The following XYLT1 variants were observed in gnomAD, a reference collection of about 807,000 sequenced individuals.
The protein encoded by XYLT1 is beta-D-xylosyltransferase 1.
A neutral mutation model predicts 91.3 loss-of-function variants in XYLT1; 36 were observed. That is an observed-to-expected ratio of 0.39 (90% CI 0.30 to 0.52). The LOEUF (loss-of-function observed/expected upper bound fraction) is 0.52, where lower values mean the gene tolerates loss of function less well. XYLT1 is among the 20% of genes least tolerant of loss of function. The pLI is 0.68. For synonymous variants in XYLT1, 588 were observed against 532.0 expected, an observed-to-expected ratio of 1.11 and a Z score of -1.45; for missense variants, 1,242 against 1,284.5, an observed-to-expected ratio of 0.97 and a Z score of 0.51.
At chr16:17,236,211 T>C (rs1416723495) in intron 3 of XYLT1, among the ~76,000 whole-genome samples, 1 of 152,190 alleles carries the variant, frequency 6.6e-6, no homozygotes, top group Non-Finnish European at 1.5e-5. Context: ...AAGCATCTGA[T>C]TTTTAATTAT....
At chr16:17,460,430 C>A (rs577335155) in intron 1 of XYLT1, among the ~76,000 whole-genome samples, 1 of 152,320 alleles carries the variant, frequency 6.6e-6, no homozygotes, top group African/African-American at 2.4e-5. Context: ...ACCAGCTAGG[C>A]GGGGAGGGAG....
chr16:17,455,183 G>T (rs904720238), intron 1 of XYLT1, among the ~76,000 whole-genome samples: 16 of 152,142 alleles, frequency 1.1e-4, no homozygotes, highest in African/African-American at 3.9e-4. Flanking sequence ...CAGAGTGGAC[G>T]TGGCCGGGAT....
intron 1 of XYLT1, among the ~76,000 whole-genome samples, chr16:17,463,248 A>T (rs1033886915): frequency 2.0e-5 from 3 of 152,212 alleles, no homozygotes; most frequent in African/African-American, 7.2e-5. Flanking sequence ...CAAGCTACAA[A>T]GCTTCTGCAC....
chr16:17,165,249 A>G (rs906677894), intron 5 of XYLT1, among the ~76,000 whole-genome samples: 2 of 152,202 alleles, frequency 1.3e-5, no homozygotes, highest in African/African-American at 4.8e-5. Context: ...GGTAGATGCT[A>G]TTATATTTAT....
intron 2 of XYLT1, among the ~76,000 whole-genome samples, chr16:17,301,173 G>A (rs1384574302): frequency 6.6e-6 from 1 of 152,136 alleles, no homozygotes; most frequent in Non-Finnish European, 1.5e-5. Flanking sequence ...CACTTCGGGA[G>A]GCTGAGGCGG....
At chr16:17,253,823 T>TGAGA (rs3060128) in intron 3 of XYLT1, among the ~76,000 whole-genome samples, 3,398 of 114,792 alleles carry the variant, frequency 0.03, 75 homozygotes, top group African/African-American at 0.054. Flanking sequence ...CCTTGCAACT[T>TGAGA]GAGAGAGAGA....
At chr16:17,236,722 C>A (rs1043687822) in intron 3 of XYLT1, among the ~76,000 whole-genome samples, 1 of 152,168 alleles carries the variant, frequency 6.6e-6, no homozygotes. Context: ...GCCGGTAATT[C>A]ATGTTCCTTG....
At chr16:17,360,162 A>G (rs141208632) in intron 1 of XYLT1, among the ~76,000 whole-genome samples, 1 of 152,356 alleles carries the variant, frequency 6.6e-6, no homozygotes, top group Non-Finnish European at 1.5e-5. Flanking sequence ...GCAAAGCACC[A>G]GACTGGGGTG....
rs544210480 is a variant in XYLT1, at chr16:17,360,972, C to T, written c.364-2922G>A. Among the ~76,000 whole-genome samples the T allele has an allele frequency of 4.6e-5, 7 of 152,286 alleles. No homozygotes were observed. In the East Asian group the frequency reaches 7.7e-4, roughly 17 times the overall value. On this transcript the variant is annotated intron_variant, in intron 1 of 11. Coordinates refer to ENST00000261381, the MANE Select transcript of XYLT1 (RefSeq NM_022166.4). ...CCTTTCCTATCATCTATTGCAATGG[C>T]TCAGTTGGGGAAGTCAAATGGGGAA... is the stretch of plus-strand genomic sequence containing the variant.
chr16:17,415,208 CT>C (rs1279373403), intron 1 of XYLT1, among the ~76,000 whole-genome samples: 4 of 152,194 alleles, frequency 2.6e-5, no homozygotes, highest in African/African-American at 7.2e-5. Context: ...CTCCTCTCCT[CT>C]CCCTACTTTC....
intron 1 of XYLT1, among the ~76,000 whole-genome samples, chr16:17,449,517 T>C (rs140663014): frequency 7.9e-5 from 12 of 152,350 alleles, no homozygotes; most frequent in Admixed American, 3.3e-4. Context: ...GTGGTGGTTA[T>C]GCACACGGGC....
At chr16:17,194,399 G>T (rs573878547) in intron 5 of XYLT1, among the ~76,000 whole-genome samples, 1 of 152,202 alleles carries the variant, frequency 6.6e-6, no homozygotes, top group South Asian at 2.1e-4. Flanking sequence ...GCAGCAATGC[G>T]CATGCCTACC....
rs1404614187 is a variant in XYLT1 at position 17,470,572 on chromosome 16, A to T, written c.225T>A (p.Ala75=). 4 of 1,201,762 alleles carry T rather than the reference A, an allele frequency of 3.3e-6. No individual in the cohort carries two copies. The highest frequency in any genetic ancestry group is 4.1e-6 in the Non-Finnish European group (4 of 969,952). 74.4% of individuals were successfully genotyped at this position (1,201,762 alleles called of 1,614,324 possible). A position where few individuals can be genotyped will look rare whatever the true frequency, so the allele number is the denominator to read the frequency against. The change falls in exon 1 of 12, where the codon GCT becomes GCA. Residue 75 remains alanine (A), a synonymous_variant. Transcript: ENST00000261381. ...RERRDLPAEP[A]AARGGGGGGG... is the part of the protein sequence containing the mutation. ...CGCCTCCTCCTCCTCCTCGGGCTGC[A>T]GCCGGCTCGGCGGGCAGGTCCCGGC...
intron 3 of XYLT1, among the ~76,000 whole-genome samples, chr16:17,225,949 C>A (rs1366914543): frequency 2.0e-5 from 3 of 152,048 alleles, no homozygotes; most frequent in African/African-American, 7.2e-5. Flanking sequence ...ATTTACCTTA[C>A]CCCTAAGAAC....
chr16:17,320,390 T>C (rs988590098), intron 2 of XYLT1, among the ~76,000 whole-genome samples: 1 of 152,020 alleles, frequency 6.6e-6, no homozygotes, highest in Non-Finnish European at 1.5e-5. Flanking sequence ...CCATTCCCAA[T>C]GCTTACATCC....
At chr16:17,219,280 CAAAA>C (rs369055155) in intron 3 of XYLT1, among the ~76,000 whole-genome samples, 14 of 85,026 alleles carry the variant, frequency 1.6e-4, no homozygotes, top group African/African-American at 5.1e-4. Context: ...GACTTTGTCT[CAAAA>C]AAAAAAAAAA....
At chr16:17,336,552 G>C (rs1378464292) in intron 2 of XYLT1, among the ~76,000 whole-genome samples, 1 of 152,178 alleles carries the variant, frequency 6.6e-6, no homozygotes, top group African/African-American at 2.4e-5. Context: ...ATATGGATGC[G>C]TGTACAGATG....
chr16:17,138,125 A>G (rs1263056935), intron 8 of XYLT1: 1 of 477,824 alleles, frequency 2.1e-6, no homozygotes, highest in African/African-American at 1.9e-5. Flanking sequence ...AATAATAATG[A>G]AAGGTCATTT....
intron 2 of XYLT1, among the ~76,000 whole-genome samples, chr16:17,302,349 C>T (rs1322607380): frequency 1.3e-5 from 2 of 152,186 alleles, no homozygotes; most frequent in African/African-American, 4.8e-5. Context: ...GGGACACCGT[C>T]GTAGCAGACA....
Sources: allele counts gnomAD v4.1 joint callset (sites outside exome capture counted in the v4.1 genomes callset), GRCh38; gene constraint gnomAD v4.1.1; transcripts MANE v1.5; gene names NCBI Gene and HGNC (gene_info 2026-07-23, HGNC 2026-07-21).